The following HOMER2 variants were observed in gnomAD, a reference collection of about 807,000 sequenced individuals.
The protein encoded by HOMER2 is homer scaffold protein 2.
In HOMER2, 27 loss-of-function variants were observed where a neutral mutation model predicts 47.0. That is an observed-to-expected ratio of 0.57 (90% CI 0.42 to 0.79). The LOEUF is 0.79. HOMER2 is among the 30% of genes least tolerant of loss of function. The probability of loss-of-function intolerance (pLI) is 0.00; values close to 1 mark genes in which losing one functional copy is unlikely to be tolerated. For synonymous variants in HOMER2, 161 were observed against 163.8 expected, an observed-to-expected ratio of 0.98 and a Z score of 0.13; for missense variants, 443 against 435.0, an observed-to-expected ratio of 1.02 and a Z score of -0.16.
Position 82,899,787 on chromosome 15 carries a change from C to G in HOMER2, c.6-6946G>C, listed in dbSNP as rs562630487. ...CCTGTAATCCCAGCACTTTAAGAGG[C>G]CAAGGTGGGCGGATCACTTGAGGTC... On this transcript the variant is annotated intron_variant, in intron 1 of 8. Transcript: ENST00000450735. 3.3e-5 allele frequency among the ~76,000 whole-genome samples: 5 copies of G among 152,240 alleles called. No individual in the cohort carries two copies. The South Asian group carries it at 1.0e-3, about 32-fold the overall frequency.
downstream of HOMER2, chr15:82,835,200 C>T (rs1056951256): frequency 4.6e-5 from 7 of 151,974 alleles, no homozygotes; most frequent in African/African-American, 1.7e-4. Flanking sequence ...GATCTCAGCT[C>T]ACTGCAACCT....
chr15:82,865,038 CCT>C (rs1191540935), intron 3 of HOMER2, among the ~76,000 whole-genome samples: 1 of 152,212 alleles, frequency 6.6e-6, no homozygotes, highest in East Asian at 1.9e-4. Flanking sequence ...CACAGGCTAT[CCT>C]CTGAGTATCT....
chr15:82,892,758 T>TG lies in HOMER2; in HGVS notation c.88dup (p.Gln30ProfsTer10). On this transcript the variant is annotated frameshift_variant, in exon 2 of 9. Transcript: ENST00000450735. LOFTEE classifies it high-confidence loss of function. ...ATAGAAGTAGGAAACGGTGACCGCCTGCTTGCTCGCAGGCATCCAGTTCTT... is the reference window on the plus strand; with the variant it reads ...ATAGAAGTAGGAAACGGTGACCGCCTGGCTTGCTCGCAGGCATCCAGTTCTT... The TG allele has an allele frequency of 6.2e-7, 1 of 1,607,074 alleles. No individual in the cohort carries two copies.
intron 5 of HOMER2, among the ~76,000 whole-genome samples, chr15:82,857,773 C>T (rs1007456286): frequency 1.1e-4 from 17 of 152,058 alleles, no homozygotes; most frequent in African/African-American, 3.6e-4. Flanking sequence ...GGGGGCTTCT[C>T]GGTCTGAGGG....
At chr15:82,946,791 C>A (rs1488752939) in intron 1 of HOMER2, among the ~76,000 whole-genome samples, 1 of 152,204 alleles carries the variant, frequency 6.6e-6, no homozygotes, top group Non-Finnish European at 1.5e-5. Context: ...GTGCCTACTC[C>A]ATTCCAAATT....
At chr15:82,867,288 A>C (rs1166597179) in intron 3 of HOMER2, among the ~76,000 whole-genome samples, 2 of 152,056 alleles carry the variant, frequency 1.3e-5, no homozygotes, top group Non-Finnish European at 2.9e-5. Context: ...TAATTTTCTA[A>C]ACTTGGAAGA....
At chr15:82,924,788 A>T (rs991662203) in intron 1 of HOMER2, among the ~76,000 whole-genome samples, 1 of 152,216 alleles carries the variant, frequency 6.6e-6, no homozygotes, top group East Asian at 1.9e-4. Flanking sequence ...AGAAATCGGC[A>T]TCTATACTTT....
At chr15:82,855,287 C>A (rs2051540401) in intron 5 of HOMER2, among the ~76,000 whole-genome samples, 1 of 130,624 alleles carries the variant, frequency 7.7e-6, no homozygotes, top group Non-Finnish European at 1.5e-5. Flanking sequence ...GATCACGCCA[C>A]TGCACTCCGG....
At chr15:82,953,861 C>T (rs766654710), upstream of HOMER2, among the ~76,000 whole-genome samples, 2 of 151,738 alleles carry the variant, frequency 1.3e-5, no homozygotes, top group Non-Finnish European at 2.9e-5. Context: ...CCAGCCTGGG[C>T]AACAGAGCGA....
exon 2 of HOMER2, chr15:82,837,194 C>T (rs56108482): frequency 0.12 from 17,806 of 152,224 alleles, 1,139 homozygotes; most frequent in Admixed American, 0.18. Context: ...CTTTCTGACC[C>T]AAGGAAAGGT....
intron 4 of HOMER2, among the ~76,000 whole-genome samples, chr15:82,860,258 A>C (rs915095928): frequency 1.3e-5 from 2 of 152,176 alleles, no homozygotes; most frequent in Non-Finnish European, 2.9e-5. Flanking sequence ...AAGGAAAAAA[A>C]TATTAGTATC....
intron 1 of HOMER2, among the ~76,000 whole-genome samples, chr15:82,940,502 G>A (rs1213946622): frequency 1.3e-5 from 2 of 152,202 alleles, no homozygotes; most frequent in Non-Finnish European, 2.9e-5. Context: ...CCAGCACTTT[G>A]GGAGGCCAAG....
chr15:82,942,733 C>A lies in HOMER2; in HGVS notation c.5+9798G>T, dbSNP rs572264830. 2.6e-5 allele frequency among the ~76,000 whole-genome samples: 4 copies of A among 152,336 alleles called. No homozygotes were observed. The South Asian group carries it at 6.2e-4, about 24-fold the overall frequency. ...CACTTGCACCTCCCTGTAAAAGCAA[C>A]GAGTTGGCAGACCGGTTTTCTTGTT... On this transcript the variant is annotated intron_variant, in intron 1 of 8. Transcript: ENST00000450735.
At chr15:82,982,365 G>A (rs1471545093) in intron 1 of HOMER2, among the ~76,000 whole-genome samples, 1 of 152,140 alleles carries the variant, frequency 6.6e-6, no homozygotes, top group African/African-American at 2.4e-5. Context: ...GTCAGAAAAT[G>A]AGACATAATA....
intron 6 of HOMER2, 80 bp downstream of exon 6, chr15:82,854,564 A>G: frequency 5.5e-6 from 8 of 1,442,014 alleles, no homozygotes; most frequent in Non-Finnish European, 5.6e-6. Context: ...TTGGGGAGGG[A>G]GAAAAAGGGT....
chr15:82,985,014 A>C (rs1393690944), intron 1 of HOMER2, among the ~76,000 whole-genome samples: 1 of 152,236 alleles, frequency 6.6e-6, no homozygotes, highest in East Asian at 1.9e-4. Context: ...ATAGAAAGAA[A>C]AATTATTTCT....
intron 2 of HOMER2, among the ~76,000 whole-genome samples, chr15:82,890,907 A>C (rs2052684778): frequency 6.6e-6 from 1 of 152,144 alleles, no homozygotes; most frequent in Admixed American, 6.5e-5. Flanking sequence ...AGAAACGGTA[A>C]TTACAACTGT....
At chr15:82,937,172 A>G (rs2054160859) in intron 1 of HOMER2, among the ~76,000 whole-genome samples, 1 of 152,188 alleles carries the variant, frequency 6.6e-6, no homozygotes, top group Non-Finnish European at 1.5e-5. Flanking sequence ...TCATACAGCA[A>G]ATATCCTGCT....
At chr15:82,958,500 A>C (rs986101059) in exon 2 of HOMER2, 1 of 152,280 alleles carries the variant, frequency 6.6e-6, no homozygotes, top group African/African-American at 2.4e-5. Context: ...CTTGATTCTG[A>C]GGCCTCAGGG....
Sources: gnomAD v4.1 joint callset for allele counts (sites outside exome capture counted in the v4.1 genomes callset) on GRCh38, gnomAD v4.1.1 for gene constraint, MANE v1.5 for transcripts, NCBI Gene and HGNC (gene_info 2026-07-23, HGNC 2026-07-21) for gene names.